Variants in ZNF292 observed in about 807,000 individuals in gnomAD.
ZNF292 encodes the protein 16 zinc-finger domain protein.
A neutral mutation model predicts 217.9 loss-of-function variants in ZNF292; 26 were observed. The observed-to-expected ratio is 0.12, with a 90% CI of 0.09 to 0.17. The LOEUF is 0.17. Among genes scored for constraint, ZNF292 ranks in the 10% least tolerant of loss-of-function variants. The pLI is 1.00. For synonymous variants in ZNF292, 1,257 were observed against 1,124.1 expected (o/e 1.12, Z -2.37); for missense variants, 2,904 against 3,175.2 (o/e 0.91, Z 2.05).
At chr6:87,195,018 T>C (rs1283132176) in intron 1 of ZNF292, among the ~76,000 whole-genome samples, 3 of 151,854 alleles carry the variant, frequency 2.0e-5, no homozygotes, top group Non-Finnish European at 2.9e-5. Context: ...AAAATGGGAA[T>C]AGAGGGAAAT....
rs1775783992 is a variant in ZNF292, at chr6:87,265,706, TCTCAAATGGCATTTA to T, written c.*3906_*3920del. On this transcript the variant is annotated 3_prime_UTR_variant, in exon 8 of 8. Coordinates refer to ENST00000369577, the MANE Select transcript of ZNF292 (RefSeq NM_015021.3). The stretch of plus-strand genomic sequence containing the variant: ...AAGAACACACTTTGGGAAATGCTGA[TCTCAAATGGCATTTA>T]TTCAACCAGGACTGATAATCAACGT... Among the ~76,000 whole-genome samples, 1 of 152,222 alleles carries T rather than the reference TCTCAAATGGCATTTA, an allele frequency of 6.6e-6. No homozygotes were observed. The highest frequency in any genetic ancestry group is 2.4e-5 in the African/African-American group (1 of 41,458).
rs750665479 is a variant in ZNF292, at chr6:87,256,452, G to A, written c.2823G>A (p.Val941=). ...GTGAAGTAGCTGTGTCCATTAAGGT[G>A]TCTCTCAATCAGGGGATTGAGGATA... The part of the protein sequence containing the change: ...QSSEVAVSIK[V]SLNQGIEDNF... Residue 941 remains valine (V), a synonymous_variant, in exon 8 of 8, where the codon GTG becomes GTA. Coordinates refer to ENST00000369577, the MANE Select transcript of ZNF292 (RefSeq NM_015021.3). 1.2e-6 allele frequency: 2 copies of A among 1,607,904 alleles called. No homozygotes were observed. Among genetic ancestry groups the A allele is most frequent in the African/African-American group, 2.7e-5 (2 of 75,030 alleles).
At chr6:87,156,485 T>A (rs1374463593) in intron 1 of ZNF292, among the ~76,000 whole-genome samples, 1 of 152,250 alleles carries the variant, frequency 6.6e-6, no homozygotes, top group Non-Finnish European at 1.5e-5. Context: ...TGTCTCAGGT[T>A]GAGTGTCCTT....
At chr6:87,196,276 TG>T (rs1443414581) in intron 1 of ZNF292, among the ~76,000 whole-genome samples, 2 of 152,224 alleles carry the variant, frequency 1.3e-5, no homozygotes, top group Non-Finnish European at 2.9e-5. Flanking sequence ...TTTAATGTGA[TG>T]TTTTTTTCCT....
chr6:87,263,205 C>G lies in ZNF292; in HGVS notation c.*1404C>G, dbSNP rs1695271294. 6.6e-6 allele frequency: 1 copy of G among 151,988 alleles called. No individual in the cohort carries two copies. The highest frequency in any genetic ancestry group is 2.4e-5 in the African/African-American group (1 of 41,418). The allele number at this position is 151,988 out of a possible 1,614,324, so 9.4% of individuals were successfully genotyped here. ...AGGTTATTCCAGGAGAGTTGATGAC[C>G]TTCATTTAAAGTCCAACTAAAATCA... On this transcript the variant is annotated 3_prime_UTR_variant, in exon 8 of 8. Transcript: ENST00000369577.
chr6:87,157,819 A>G (rs1770597166), intron 1 of ZNF292, among the ~76,000 whole-genome samples: 1 of 152,030 alleles, frequency 6.6e-6, no homozygotes, highest in Admixed American at 6.6e-5. Context: ...TTCCCAAGTA[A>G]CTGGGACTAC....
At chr6:87,185,490 C>CT (rs1165511657) in intron 1 of ZNF292, among the ~76,000 whole-genome samples, 1 of 152,170 alleles carries the variant, frequency 6.6e-6, no homozygotes, top group African/African-American at 2.4e-5. Flanking sequence ...TTGAAGCATA[C>CT]TTTCTTTGAG....
chr6:87,231,639 A>G (rs1333074033), intron 4 of ZNF292, among the ~76,000 whole-genome samples: 3 of 152,194 alleles, frequency 2.0e-5, no homozygotes, highest in East Asian at 3.8e-4. Context: ...CATTGATTTA[A>G]TGCAGAAATT....
chr6:87,261,883 CA>C lies in ZNF292; in HGVS notation c.*83del. The C allele has an allele frequency of 1.0e-6, 1 of 1,000,498 alleles. No homozygotes were observed. The highest frequency in any genetic ancestry group is 1.7e-5 in the African/African-American group (1 of 60,264). The allele number at this position is 1,000,498 out of a possible 1,614,324, so 62.0% of individuals were successfully genotyped here. ...AAGCATGCTAGAATTGTGAAACTTT[CA>C]TTATATTTTTTTGTTGTTGACATGA... On this transcript the variant is annotated 3_prime_UTR_variant, in exon 8 of 8. Coordinates refer to ENST00000369577, the MANE Select transcript of ZNF292 (RefSeq NM_015021.3).
chr6:87,158,523 A>G (rs1770619535), intron 1 of ZNF292, among the ~76,000 whole-genome samples: 1 of 152,144 alleles, frequency 6.6e-6, no homozygotes, highest in South Asian at 2.1e-4. Context: ...AAATCAAAAA[A>G]ATTAGCCAGG....
chr6:87,183,224 T>C (rs1227671976), intron 1 of ZNF292, among the ~76,000 whole-genome samples: 1 of 152,170 alleles, frequency 6.6e-6, no homozygotes, highest in African/African-American at 2.4e-5. Context: ...CTAGAGGAAG[T>C]TTATAATTAC....
Position 87,264,164 on chromosome 6 carries a change from T to TA in ZNF292, c.*2369dup, listed in dbSNP as rs1266936182. On this transcript the variant is annotated 3_prime_UTR_variant, in exon 8 of 8. Coordinates refer to ENST00000369577, the MANE Select transcript of ZNF292 (RefSeq NM_015021.3). ...GATACGGAATGTAATGTCTAAGTAT[T>TA]AAAAAATCATAAAATATATTTTTTT... 9 of 152,178 alleles carry TA rather than the reference T, an allele frequency of 5.9e-5. No homozygotes were observed. Among genetic ancestry groups the TA allele is most frequent in the Non-Finnish European group, 1.2e-4 (8 of 68,016 alleles). The allele number at this position is 152,178 out of a possible 1,614,324, so 9.4% of individuals were successfully genotyped here.
In ZNF292 at chr6:87,234,633, C is replaced by T. The variant is rs147539324; in HGVS notation, c.741+1106C>T. ...GTGTTCAGTGGGCACTGAATGTGTA[C>T]GGGTGTCTTATATCTGTAATAACAT... On this transcript the variant is annotated intron_variant, in intron 5 of 7. Transcript: ENST00000369577. Among the ~76,000 whole-genome samples, 618 of 151,832 alleles carry T rather than the reference C, an allele frequency of 4.1e-3. 2 individuals are homozygous for T. The highest frequency in any genetic ancestry group is 0.013 in the African/African-American group (528 of 41,352).
In ZNF292 at chr6:87,259,594, G is replaced by C; in HGVS notation, c.5965G>C (p.Gly1989Arg). The C allele has an allele frequency of 6.3e-7, 1 of 1,578,014 alleles. No homozygotes were observed. Among genetic ancestry groups the C allele is most frequent in the South Asian group, 1.2e-5 (1 of 86,384 alleles). Reference sequence around the variant, plus strand: ...AAAGTTAAAAATTAAAAGGCCTTATGGAAGAAAATCTCAGAGTGAAAATGT... The same window carrying C: ...AAAGTTAAAAATTAAAAGGCCTTATCGAAGAAAATCTCAGAGTGAAAATGT... ...MVKLKIKRPY[G>R]RKSQSENVPA... Residue 1989 changes from glycine to arginine, a missense_variant, in exon 8 of 8, where the codon GGA becomes CGA. By Grantham distance (125) the Gly-to-Arg change is moderately radical (BLOSUM62 -2). Coordinates refer to ENST00000369577, the MANE Select transcript of ZNF292 (RefSeq NM_015021.3).
At chr6:87,190,958 A>G (rs1454758332) in intron 1 of ZNF292, among the ~76,000 whole-genome samples, 4 of 152,226 alleles carry the variant, frequency 2.6e-5, no homozygotes, top group Non-Finnish European at 5.9e-5. Context: ...GTAGCTGTTT[A>G]CAAAACTGAG....
rs1423801348 is a variant in ZNF292, at chr6:87,258,427, A to G, written c.4798A>G (p.Thr1600Ala). 2 of 1,613,684 alleles carry G rather than the reference A, an allele frequency of 1.2e-6. No homozygotes were observed. Among genetic ancestry groups the G allele is most frequent in the Admixed American group, 3.3e-5 (2 of 59,918 alleles). The change falls in exon 8 of 8, where the codon ACC becomes GCC. Residue 1600 changes from threonine (T) to alanine (A), a missense_variant. By Grantham distance (58) the Thr-to-Ala change is moderately conservative. Coordinates refer to ENST00000369577, the MANE Select transcript of ZNF292 (RefSeq NM_015021.3). ...TTCTGGTGGGCCATCACAAAATTTT[A>G]CCAGTAACAGTTCTCGTGTTTCTGT... ...PNSGGPSQNF[T>A]SNSSRVSVIS...
chr6:87,261,381 C>G lies in ZNF292; in HGVS notation c.7752C>G (p.Ser2584Arg), dbSNP rs376281929. ...IEEHPASFDW[S>R]SFKPMGFEVS... ...AGCATCCTGCATCTTTTGACTGGAGCTCTTTTAAGCCAATGGGATTTGAAG... is the reference window on the plus strand; with the variant it reads ...AGCATCCTGCATCTTTTGACTGGAGGTCTTTTAAGCCAATGGGATTTGAAG... Residue 2584 changes from serine (S) to arginine (R), a missense_variant, in exon 8 of 8, where the codon AGC becomes AGG. Ser to Arg is a moderately radical substitution (Grantham distance 110). This residue lies in a region of ZNF292 where 380 missense variants were observed against 355.3 expected (regional missense o/e 1.07). Transcript: ENST00000369577. 1 of 1,612,728 alleles carries G rather than the reference C, an allele frequency of 6.2e-7. No homozygotes were observed. The highest frequency in any genetic ancestry group is 2.2e-5 in the East Asian group (1 of 44,862).
chr6:87,174,462 A>G (rs562165853), intron 1 of ZNF292, among the ~76,000 whole-genome samples: 63 of 152,352 alleles, frequency 4.1e-4, no homozygotes, highest in Admixed American at 2.6e-3. Flanking sequence ...CAGTTTGACA[A>G]GTAGTGCTCT....
chr6:87,156,423 T>C (rs1770542489), intron 1 of ZNF292, among the ~76,000 whole-genome samples: 1 of 152,258 alleles, frequency 6.6e-6, no homozygotes, highest in African/African-American at 2.4e-5. Flanking sequence ...GGTGCATCAC[T>C]TCTGTGGTAA....
Sources: gnomAD v4.1 joint callset for allele counts (sites outside exome capture counted in the v4.1 genomes callset) on GRCh38, gnomAD v4.1.1 for gene constraint, gnomAD v4.1.1 regional missense constraint, MANE v1.5 for transcripts, NCBI Gene and HGNC (gene_info 2026-07-23, HGNC 2026-07-21) for gene names.